Variants in AUTS2 observed in about 807,000 individuals in gnomAD.
AUTS2 encodes the protein activator of transcription and developmental regulator AUTS2.
AUTS2 carries 17 observed loss-of-function variants against 112.4 expected under a neutral mutation model. The observed-to-expected ratio is 0.15, with a 90% confidence interval of 0.10 to 0.23. The LOEUF is 0.23. Among genes scored for constraint, AUTS2 ranks in the 10% least tolerant of loss-of-function variants. The probability of loss-of-function intolerance (pLI) is 1.00; values close to 1 mark genes in which losing one functional copy is unlikely to be tolerated. For synonymous variants in AUTS2, 751 were observed against 702.7 expected (o/e 1.07, Z -1.09); for missense variants, 1,510 against 1,701.6 (o/e 0.89, Z 1.98).
At chr7:70,296,756 T>C (rs1275880572) in intron 4 of AUTS2, among the ~76,000 whole-genome samples, 1 of 152,152 alleles carries the variant, frequency 6.6e-6, no homozygotes, top group African/African-American at 2.4e-5. Context: ...AGTATTTCCT[T>C]AGGATAAATT....
At chr7:70,142,104 T>C (rs1015580261) in intron 4 of AUTS2, among the ~76,000 whole-genome samples, 1 of 152,224 alleles carries the variant, frequency 6.6e-6, no homozygotes, top group East Asian at 1.9e-4. Flanking sequence ...TTTTAAACAT[T>C]TGCTGTCTAC....
intron 5 of AUTS2, among the ~76,000 whole-genome samples, chr7:70,609,145 T>C (rs762638274): frequency 3.9e-5 from 6 of 152,168 alleles, no homozygotes; most frequent in Non-Finnish European, 7.4e-5. Flanking sequence ...GTCACCATGT[T>C]GTACAATAGA....
At chr7:70,751,879 C>G (rs974363474) in intron 6 of AUTS2, among the ~76,000 whole-genome samples, 1 of 151,286 alleles carries the variant, frequency 6.6e-6, no homozygotes, top group Non-Finnish European at 1.5e-5. Flanking sequence ...TGACACCACA[C>G]CACCTAATTT....
intron 1 of AUTS2, among the ~76,000 whole-genome samples, chr7:69,895,550 C>CG (rs5884771): frequency 8.8e-5 from 13 of 147,132 alleles, no homozygotes; most frequent in African/African-American, 1.5e-4. Context: ...TCTTCCCCCC[C>CG]CCCGAGTGGA....
chr7:70,211,226 A>G (rs778728897), intron 4 of AUTS2, among the ~76,000 whole-genome samples: 2 of 152,138 alleles, frequency 1.3e-5, no homozygotes, highest in Non-Finnish European at 2.9e-5. Context: ...ATTTCCCCTT[A>G]TAAACAGACA....
At chr7:69,773,881 A>G (rs979187379) in intron 1 of AUTS2, among the ~76,000 whole-genome samples, 1 of 152,218 alleles carries the variant, frequency 6.6e-6, no homozygotes, top group Non-Finnish European at 1.5e-5. Flanking sequence ...GCTAAGGGGA[A>G]TCCCGTCGAA....
chr7:70,137,498 C>T (rs1806631952), intron 4 of AUTS2, among the ~76,000 whole-genome samples: 1 of 143,698 alleles, frequency 7.0e-6, no homozygotes, highest in Admixed American at 7.1e-5. Context: ...ATGCAATGAA[C>T]ACATTTTCTT....
At position 69,714,247 on chromosome 7, in the gene AUTS2, ATATGTGTGTGTGTGTGTGTG is replaced by A. The variant is rs1160491365; in HGVS notation, c.309+114287_309+114306del. On this transcript the variant is annotated intron_variant, in intron 1 of 18. Transcript: ENST00000342771. ...CCCAGCTAATTGTGCATGTGTGTGT[ATATGTGTGTGTGTGTGTGTG>A]TGTGTGTGTGTGTGTGTGTGTGTAG... Among the ~76,000 whole-genome samples, 320 of 42,350 alleles carry A rather than the reference ATATGTGTGTGTGTGTGTGTG, an allele frequency of 7.6e-3. 2 individuals carry two copies. The highest frequency in any genetic ancestry group is 0.019 in the African/African-American group (308 of 16,392). The allele number at this position is 42,350 out of a possible 152,430, so 27.8% of individuals were successfully genotyped here. A position where few individuals can be genotyped will look rare whatever the true frequency, so the allele number is the denominator to read the frequency against.
At chr7:70,189,126 G>T (rs574567779) in intron 4 of AUTS2, among the ~76,000 whole-genome samples, 1 of 152,216 alleles carries the variant, frequency 6.6e-6, no homozygotes, top group Admixed American at 6.5e-5. Flanking sequence ...AGCTGACTGC[G>T]TAGGCTCATC....
rs562657406 is a variant in AUTS2, at chr7:69,619,770, A to G, written c.309+19808A>G. Among the ~76,000 whole-genome samples the G allele has an allele frequency of 3.0e-4, 46 of 152,246 alleles. No homozygotes were observed. The South Asian group carries it at 9.3e-3, about 31-fold the overall frequency. On this transcript the variant is annotated intron_variant, in intron 1 of 18. Coordinates refer to ENST00000342771, the MANE Select transcript of AUTS2 (RefSeq NM_015570.4). ...TAGGCACTTGGGATAAAAACAGTGA[A>G]CTAAACAAAGCTTCTGCCCTCAAGG...
intron 1 of AUTS2, among the ~76,000 whole-genome samples, chr7:69,856,927 T>A (rs1407802580): frequency 6.6e-6 from 1 of 152,188 alleles, no homozygotes; most frequent in East Asian, 1.9e-4. Context: ...GCACTTGAAA[T>A]GGCAACATTT....
chr7:70,126,704 T>A (rs1378587768), intron 3 of AUTS2, among the ~76,000 whole-genome samples: 1 of 152,226 alleles, frequency 6.6e-6, no homozygotes, highest in Non-Finnish European at 1.5e-5. Context: ...TAAAAACTTT[T>A]AATAAACAAG....
At chr7:70,750,692 A>G (rs1420099266) in intron 6 of AUTS2, among the ~76,000 whole-genome samples, 3 of 152,174 alleles carry the variant, frequency 2.0e-5, no homozygotes, top group Non-Finnish European at 4.4e-5. Flanking sequence ...GTGAGCCACC[A>G]CACCCGTCCA....
At chr7:70,218,258 G>C (rs996304761) in intron 4 of AUTS2, among the ~76,000 whole-genome samples, 3 of 152,216 alleles carry the variant, frequency 2.0e-5, no homozygotes, top group Non-Finnish European at 4.4e-5. Flanking sequence ...TTCTGACTTA[G>C]TGCTTTGAAG....
In AUTS2 at chr7:70,301,676, A is replaced by G. The variant is rs896280654; in HGVS notation, c.661-134076A>G. ...CAATTTAAATTATATGTAGGCTGCA[A>G]TTTTTTAAAATTTCATAATGGATGC... On this transcript the variant is annotated intron_variant, in intron 4 of 18. Coordinates refer to ENST00000342771, the MANE Select transcript of AUTS2 (RefSeq NM_015570.4). Among the ~76,000 whole-genome samples the G allele has an allele frequency of 1.6e-4, 24 of 152,054 alleles. No individual in the cohort carries two copies. In the South Asian group the frequency reaches 1.9e-3, roughly 12 times the overall value.
chr7:70,229,715 A>T (rs2129595600), intron 4 of AUTS2, among the ~76,000 whole-genome samples: 1 of 151,964 alleles, frequency 6.6e-6, no homozygotes, highest in South Asian at 2.1e-4. Flanking sequence ...GTTATATTTG[A>T]GGTGTGCTAC....
intron 5 of AUTS2, among the ~76,000 whole-genome samples, chr7:70,570,182 A>C (rs1801878766): frequency 6.6e-6 from 1 of 152,226 alleles, no homozygotes; most frequent in Non-Finnish European, 1.5e-5. Flanking sequence ...GGTCTGGCCT[A>C]GAAAGAGGTA....
intron 5 of AUTS2, among the ~76,000 whole-genome samples, chr7:70,692,230 G>C (rs544387402): frequency 6.6e-6 from 1 of 152,312 alleles, no homozygotes; most frequent in South Asian, 2.1e-4. Context: ...AAGCACCCTG[G>C]AGGGCCAAGT....
intron 5 of AUTS2, among the ~76,000 whole-genome samples, chr7:70,582,892 G>A (rs530893254): frequency 1.3e-4 from 20 of 152,206 alleles, no homozygotes; most frequent in African/African-American, 3.6e-4. Flanking sequence ...AGTTTGTAAC[G>A]ACTCCCTCAT....
Sources: allele counts gnomAD v4.1 joint callset (sites outside exome capture counted in the v4.1 genomes callset), GRCh38; gene constraint gnomAD v4.1.1; transcripts MANE v1.5; gene names NCBI Gene and HGNC (gene_info 2026-07-23, HGNC 2026-07-21).